The following DGKI variants were observed in gnomAD, a reference collection of about 807,000 sequenced individuals.
DGKI encodes diacylglycerol kinase iota.
Under a neutral mutation model 147.5 loss-of-function variants are expected in DGKI, and 55 were observed. The ratio of observed to expected loss-of-function variants is 0.37; its 90% CI spans 0.30 to 0.47. The LOEUF (loss-of-function observed/expected upper bound fraction) is 0.47, where lower values mean the gene tolerates loss of function less well. Among genes scored for constraint, DGKI ranks in the 20% least tolerant of loss-of-function variants. The pLI, the probability that DGKI is intolerant of heterozygous loss-of-function variation, is 1.00. For synonymous variants in DGKI, 469 were observed against 477.1 expected, an observed-to-expected ratio of 0.98 and a Z score of 0.22; for missense variants, 1,007 against 1,323.8, an observed-to-expected ratio of 0.76 and a Z score of 3.71.
At chr7:137,574,329 A>C (rs1391491335) in intron 17 of DGKI, among the ~76,000 whole-genome samples, 1 of 150,930 alleles carries the variant, frequency 6.6e-6, no homozygotes, top group Non-Finnish European at 1.5e-5. Flanking sequence ...CTTCCAACTT[A>C]CTTAAGAACT....
chr7:137,638,466 G>GACA (rs1821422442), intron 6 of DGKI, among the ~76,000 whole-genome samples: 1 of 24,586 alleles, frequency 4.1e-5, no homozygotes. Context: ...ATATATGTGT[G>GACA]TATATATGTG....
At chr7:137,585,375 T>C (rs751639534) in intron 13 of DGKI, 29 bp from the exon 14 acceptor site, 3 of 1,609,340 alleles carry the variant, frequency 1.9e-6, no homozygotes, top group Non-Finnish European at 2.5e-6. Flanking sequence ...TATCCATTGC[T>C]GTCCAGAGTG....
intron 1 of DGKI, among the ~76,000 whole-genome samples, chr7:137,704,869 A>G (rs1793961694): frequency 1.3e-5 from 2 of 152,234 alleles, no homozygotes; most frequent in South Asian, 4.1e-4. Context: ...ACGATATGTT[A>G]TATGTGCTGA....
At position 137,456,447 on chromosome 7, in the gene DGKI, G is replaced by C. The variant is rs545589890; in HGVS notation, c.2735+7042C>G. ...TCTATCAAGGGATGTTCTATGAATG[G>C]AACATCCTTCTATTCATCCCAAAAG... is the stretch of plus-strand genomic sequence containing the variant. On this transcript the variant is annotated intron_variant, in intron 27 of 32. Transcript: ENST00000614521. Among the ~76,000 whole-genome samples, 27 of 152,190 alleles carry C rather than the reference G, an allele frequency of 1.8e-4. No homozygotes were observed. In the East Asian group the frequency reaches 5.0e-3, roughly 28 times the overall value.
intron 22 of DGKI, among the ~76,000 whole-genome samples, chr7:137,485,722 A>T (rs143001265): frequency 2.5e-4 from 38 of 152,174 alleles, no homozygotes; most frequent in African/African-American, 9.1e-4. Flanking sequence ...AAAGACAGGC[A>T]ATTTTGTTCT....
chr7:137,611,133 T>C (rs1236026188), intron 8 of DGKI, among the ~76,000 whole-genome samples: 1 of 152,192 alleles, frequency 6.6e-6, no homozygotes, highest in African/African-American at 2.4e-5. Flanking sequence ...TATGAAAGTA[T>C]TTGTTATATT....
At position 137,846,134 on chromosome 7, in the gene DGKI, T is replaced by TTC. The variant is rs775814446; in HGVS notation, c.401+326_401+327dup. 0.021 allele frequency among the ~76,000 whole-genome samples: 1,751 copies of TTC among 85,200 alleles called. 37 individuals are homozygous for TTC. The highest frequency in any genetic ancestry group is 0.05 in the African/African-American group (981 of 19,734). 55.9% of individuals were successfully genotyped at this position (85,200 alleles called of 152,430 possible). A position where few individuals can be genotyped will look rare whatever the true frequency, so the allele number is the denominator to read the frequency against. The stretch of plus-strand genomic sequence containing the variant: ...TCTGCAACCCTTTCTCTCTCTCTCT[T>TTC]TCTCTCTCTCTCTCTCTCTCTCTCT... On this transcript the variant is annotated intron_variant, in intron 1 of 32. Transcript: ENST00000614521. This position sits in a 1 kb window ranked among gnomAD's most constrained non-coding sequence, Gnocchi z 4.0.
At chr7:137,735,884 A>C (rs1795006940) in intron 1 of DGKI, among the ~76,000 whole-genome samples, 1 of 152,080 alleles carries the variant, frequency 6.6e-6, no homozygotes, top group Non-Finnish European at 1.5e-5. Flanking sequence ...TGGCCACACT[A>C]AACGCCTGTG....
intron 1 of DGKI, among the ~76,000 whole-genome samples, chr7:137,767,767 C>T (rs998567233): frequency 6.6e-6 from 1 of 152,172 alleles, no homozygotes; most frequent in Non-Finnish European, 1.5e-5. Context: ...AGTTAGTTAA[C>T]CCAGGTCTCA....
intron 4 of DGKI, 72 bp from the exon 5 acceptor site, chr7:137,654,860 A>T (rs1822162572): frequency 1.1e-6 from 1 of 946,880 alleles, no homozygotes; most frequent in Non-Finnish European, 1.6e-6. Context: ...CTGAAAAAAA[A>T]AAAAACAGTG....
chr7:137,845,819 G>C (rs1798698200), intron 1 of DGKI, among the ~76,000 whole-genome samples: 2 of 152,212 alleles, frequency 1.3e-5, no homozygotes, highest in South Asian at 4.2e-4. Flanking sequence ...CCTCCAGCCA[G>C]GAGAGAGGCA....
chr7:137,746,458 T>G (rs960480643), intron 1 of DGKI, among the ~76,000 whole-genome samples: 1 of 152,210 alleles, frequency 6.6e-6, no homozygotes, highest in African/African-American at 2.4e-5. Flanking sequence ...CATTACATAT[T>G]CAGAGACAGG....
intron 28 of DGKI, among the ~76,000 whole-genome samples, chr7:137,442,962 T>G (rs1813568796): frequency 6.6e-6 from 1 of 152,008 alleles, no homozygotes; most frequent in Admixed American, 6.5e-5. Flanking sequence ...TGAGGTGAGG[T>G]GCATAGAAAC....
chr7:137,566,837 A>G (rs1818601496), intron 19 of DGKI, among the ~76,000 whole-genome samples: 1 of 152,050 alleles, frequency 6.6e-6, no homozygotes, highest in Non-Finnish European at 1.5e-5. Context: ...ATTTCCTTAG[A>G]TGTCTTACAG....
chr7:137,428,037 C>T (rs1010373187), intron 28 of DGKI, among the ~76,000 whole-genome samples: 1 of 149,476 alleles, frequency 6.7e-6, no homozygotes, highest in Non-Finnish European at 1.5e-5. Flanking sequence ...GGGAATCCTC[C>T]CTAACTCATT....
At chr7:137,618,151 A>ATATATATTTTTT in intron 8 of DGKI, among the ~76,000 whole-genome samples, 12 of 10,456 alleles carry the variant, frequency 1.1e-3, no homozygotes, top group Admixed American at 3.7e-3. Flanking sequence ...ATATATATAT[A>ATATATATTTTTT]TTTTTTTTTT....
chr7:137,572,154 T>C (rs1441834706), intron 18 of DGKI, among the ~76,000 whole-genome samples: 2 of 152,210 alleles, frequency 1.3e-5, no homozygotes, highest in Admixed American at 6.5e-5. Flanking sequence ...AAATAAATGG[T>C]TATAGATCCA....
chr7:137,408,293 C>T (rs765707445), intron 29 of DGKI, among the ~76,000 whole-genome samples: 2 of 152,130 alleles, frequency 1.3e-5, no homozygotes, highest in Non-Finnish European at 1.5e-5. Context: ...TGGTCTCTCT[C>T]TCGAAGGAGT....
intron 1 of DGKI, among the ~76,000 whole-genome samples, chr7:137,843,230 C>CTT (rs199689390): frequency 1.4e-5 from 2 of 142,624 alleles, no homozygotes; most frequent in African/African-American, 2.6e-5. Context: ...TTTCTGAAGT[C>CTT]TTTTTTTTTT....
Sources: gnomAD v4.1 joint callset for allele counts (sites outside exome capture counted in the v4.1 genomes callset) on GRCh38, gnomAD v4.1.1 for gene constraint, Gnocchi (gnomAD v3.1) non-coding constraint, MANE v1.5 for transcripts, NCBI Gene and HGNC (gene_info 2026-07-23, HGNC 2026-07-21) for gene names.